The following ITCH variants were observed in gnomAD, a reference collection of about 807,000 sequenced individuals.
ITCH encodes E3 ubiquitin-protein ligase Itchy homolog.
ITCH carries 28 observed loss-of-function variants against 126.8 expected under a neutral mutation model. The observed-to-expected ratio is 0.22, with a 90% CI of 0.16 to 0.30. The LOEUF (loss-of-function observed/expected upper bound fraction) is 0.30, where lower values mean the gene tolerates loss of function less well. ITCH is among the 10% of genes least tolerant of loss of function. The pLI is 1.00. For missense variants in ITCH, 631 were observed against 1,032.4 expected, an observed-to-expected ratio of 0.61 and a Z score of 5.33; for synonymous variants, 342 against 340.0, an observed-to-expected ratio of 1.01 and a Z score of -0.06.
chr20:34,460,573 C>A (rs1430620905), intron 13 of ITCH, among the ~76,000 whole-genome samples: 1 of 152,100 alleles, frequency 6.6e-6, no homozygotes, highest in Non-Finnish European at 1.5e-5. Flanking sequence ...TTACCTGTCT[C>A]ATTTGTTCCT....
At chr20:34,451,958 T>G (rs1206520653) in intron 12 of ITCH, among the ~76,000 whole-genome samples, 2 of 151,372 alleles carry the variant, frequency 1.3e-5, no homozygotes, top group Non-Finnish European at 2.9e-5. Context: ...AATCCCAGTT[T>G]CTTGGGAGGC....
At chr20:34,425,716 G>C (rs1012110374) in intron 7 of ITCH, among the ~76,000 whole-genome samples, 1 of 152,188 alleles carries the variant, frequency 6.6e-6, no homozygotes, top group Non-Finnish European at 1.5e-5. Context: ...TCATGATACA[G>C]ATTCCTTTGC....
chr20:34,510,633 A>G lies in ITCH; in HGVS notation c.*2839A>G, dbSNP rs949618488. ...AAATGGAGTGGTTTAAAACTGATCA[A>G]GCAGCTCATAATAATGAATTCCTGC... is the stretch of plus-strand genomic sequence containing the variant. On this transcript the variant is annotated 3_prime_UTR_variant, in exon 25 of 25. Transcript: ENST00000374864. 1 of 152,056 alleles carries G rather than the reference A, an allele frequency of 6.6e-6. No individual in the cohort carries two copies. Among genetic ancestry groups the G allele is most frequent in the African/African-American group, 2.4e-5 (1 of 41,398 alleles). The allele number at this position is 152,056 out of a possible 1,614,324, so 9.4% of individuals were successfully genotyped here.
At chr20:34,473,392 C>T (rs1442842228) in intron 16 of ITCH, among the ~76,000 whole-genome samples, 1 of 152,062 alleles carries the variant, frequency 6.6e-6, no homozygotes, top group East Asian at 1.9e-4. Flanking sequence ...CTGTGGTGCT[C>T]GCCACTCCCT....
At chr20:34,374,092 C>T (rs955795063) in intron 2 of ITCH, among the ~76,000 whole-genome samples, 12 of 152,004 alleles carry the variant, frequency 7.9e-5, no homozygotes, top group Middle Eastern at 3.2e-3. Flanking sequence ...ACCATGTTGG[C>T]CAGGATGGAC....
chr20:34,393,314 G>A (rs1333979710), intron 2 of ITCH, among the ~76,000 whole-genome samples: 1 of 152,086 alleles, frequency 6.6e-6, no homozygotes, highest in Non-Finnish European at 1.5e-5. Context: ...TTTGAAACCA[G>A]CCTGGGCAAT....
chr20:34,425,096 C>G (rs904408515), intron 7 of ITCH, among the ~76,000 whole-genome samples: 6 of 152,214 alleles, frequency 3.9e-5, no homozygotes, highest in African/African-American at 1.4e-4. Flanking sequence ...AAAAATTGTT[C>G]TGCTTTGAGA....
At chr20:34,423,197 GT>G (rs1196822144) in intron 6 of ITCH, among the ~76,000 whole-genome samples, 1 of 152,106 alleles carries the variant, frequency 6.6e-6, no homozygotes, top group African/African-American at 2.4e-5. Context: ...TTAGCATAAT[GT>G]TTTTGAGGTT....
At chr20:34,412,327 C>A (rs1480085229) in intron 4 of ITCH, among the ~76,000 whole-genome samples, 188 bp from the exon 5 acceptor site, 2 of 152,086 alleles carry the variant, frequency 1.3e-5, no homozygotes, top group African/African-American at 4.8e-5. Flanking sequence ...TGAAAATGAC[C>A]ATGTAAGCAT....
chr20:34,430,714 T>TCTTCTTGGC (rs1414083831), intron 7 of ITCH, among the ~76,000 whole-genome samples: 1 of 152,174 alleles, frequency 6.6e-6, no homozygotes, highest in Non-Finnish European at 1.5e-5. Context: ...CCTCAGGTGA[T>TCTTCTTGGC]CTTCTTGGCC....
rs186757329 is a variant in ITCH, at chr20:34,377,919, T to C, written c.-22+8449T>C. On this transcript the variant is annotated intron_variant, in intron 2 of 24. Transcript: ENST00000374864. ...CAGAATGTCTGAAGAAACCAATAAA[T>C]GTAGAAAGGTAGAATATGTTCAGCA... Among the ~76,000 whole-genome samples the C allele has an allele frequency of 6.6e-5, 10 of 151,602 alleles. 1 individual carries two copies. The highest frequency in any genetic ancestry group is 2.4e-4 in the African/African-American group (10 of 41,346).
At chr20:34,452,214 C>T (rs545665863) in intron 12 of ITCH, among the ~76,000 whole-genome samples, 14 of 152,192 alleles carry the variant, frequency 9.2e-5, no homozygotes, top group South Asian at 8.3e-4. Flanking sequence ...TTGTGAGCTG[C>T]GTTTCCTTTA....
chr20:34,408,876 GT>G, intron 4 of ITCH, 84 bp downstream of exon 4: 1 of 1,273,940 alleles, frequency 7.8e-7, no homozygotes. Flanking sequence ...TCTCACTTTG[GT>G]TTTTTGTTGT....
chr20:34,403,398 A>G (rs1420906356), intron 3 of ITCH, among the ~76,000 whole-genome samples: 1 of 152,166 alleles, frequency 6.6e-6, no homozygotes, highest in Non-Finnish European at 1.5e-5. Flanking sequence ...GTATGTGGGT[A>G]TGTGTGAGAG....
rs911717649 is a variant in ITCH, at chr20:34,470,173, A to G, written c.1497+53A>G. The G allele has an allele frequency of 6.8e-6, 8 of 1,183,852 alleles. No homozygotes were observed. The African/African-American group carries it at 1.2e-4, about 18-fold the overall frequency. The allele number at this position is 1,183,852 out of a possible 1,614,324, so 73.3% of individuals were successfully genotyped here. ...TGCCTTAACTTTGTTGTGTTGCTTTATATTACACAGTGATTGTGAAAATAC... is the reference window on the plus strand; with the variant it reads ...TGCCTTAACTTTGTTGTGTTGCTTTGTATTACACAGTGATTGTGAAAATAC... On this transcript the variant is annotated intron_variant, in intron 15 of 24. Transcript: ENST00000374864.
In ITCH at chr20:34,424,517, T is replaced by A. The variant is rs775987482; in HGVS notation, c.513T>A (p.Asp171Glu). The change falls in exon 7 of 25, where the codon GAT becomes GAA. Residue 171 changes from aspartate to glutamate, a missense_variant. Asp to Glu is a conservative substitution (Grantham distance 45). Around this residue, in one of 4 missense-constraint regions of ITCH, gnomAD observed 220 missense variants for 265.7 expected, o/e 0.83. Coordinates refer to ENST00000374864, the MANE Select transcript of ITCH (RefSeq NM_031483.7). ...ATGATGATGGCTCCAGATCCAAGGA[T>A]GAAACAAGGTAAGCATTCACTGATT... ...SQNDDGSRSK[D>E]ETRVSTNGSD... The A allele has an allele frequency of 1.2e-6, 2 of 1,612,856 alleles. No individual in the cohort carries two copies. The highest frequency in any genetic ancestry group is 1.7e-6 in the Non-Finnish European group (2 of 1,179,004).
At chr20:34,507,263 G>GTTTTTTTTTTTTTTTTTT (rs776161631) in intron 24 of ITCH, among the ~76,000 whole-genome samples, 19 of 39,166 alleles carry the variant, frequency 4.9e-4, no homozygotes, top group Non-Finnish European at 6.3e-4. Context: ...GTTTTCTTCT[G>GTTTTTTTTTTTTTTTTTT]TTTTTTTTTT....
At chr20:34,503,857 T>G (rs1412859367) in intron 23 of ITCH, among the ~76,000 whole-genome samples, 9 of 128,118 alleles carry the variant, frequency 7.0e-5, no homozygotes, top group Non-Finnish European at 1.3e-4. Context: ...TTTTGGGTTT[T>G]TTTTTTTTTT....
At position 34,499,654 on chromosome 20, in the gene ITCH, T is replaced by C. The variant is rs910376824; in HGVS notation, c.2417-4677T>C. 8.6e-5 allele frequency among the ~76,000 whole-genome samples: 13 copies of C among 151,898 alleles called. 1 individual carries two copies. Among genetic ancestry groups the C allele is most frequent in the Non-Finnish European group, 1.5e-5 (1 of 67,996 alleles). On this transcript the variant is annotated intron_variant, in intron 23 of 24. Transcript: ENST00000374864. ...AAAAAAAACAACTTTTCATTTCATC[T>C]ATCTTTTGTCTTCATTTTTAGCCTC... is the stretch of plus-strand genomic sequence containing the variant.
Sources: gnomAD v4.1 joint callset for allele counts (sites outside exome capture counted in the v4.1 genomes callset) on GRCh38, gnomAD v4.1.1 for gene constraint, gnomAD v4.1.1 regional missense constraint, MANE v1.5 for transcripts, NCBI Gene and HGNC (gene_info 2026-07-23, HGNC 2026-07-21) for gene names.